MIR2052HG: variants seen among roughly 807,000 people sequenced by gnomAD.
MIR2052HG encodes MIR2052 host gene.
chr8:74,672,791 C>A (rs927089472), intron 2 of MIR2052HG, among the ~76,000 whole-genome samples: 1 of 152,060 alleles, frequency 6.6e-6, no homozygotes, highest in African/African-American at 2.4e-5. Flanking sequence ...CTGCTGAATT[C>A]TGCTGATATT....
At chr8:74,673,227 G>T (rs754501526) in intron 2 of MIR2052HG, among the ~76,000 whole-genome samples, 2 of 151,992 alleles carry the variant, frequency 1.3e-5, no homozygotes, top group Non-Finnish European at 2.9e-5. Context: ...TGAAAATAGG[G>T]TCACAATAAT....
intron 4 of MIR2052HG, among the ~76,000 whole-genome samples, chr8:74,727,993 C>A (rs149957419): frequency 6.6e-6 from 1 of 150,842 alleles, no homozygotes; most frequent in Non-Finnish European, 1.5e-5. Flanking sequence ...GGCTTGGCTG[C>A]TTCTTCTATA....
intron 2 of MIR2052HG, among the ~76,000 whole-genome samples, chr8:74,693,788 C>T (rs757096409): frequency 6.6e-6 from 1 of 151,958 alleles, no homozygotes; most frequent in Non-Finnish European, 1.5e-5. Flanking sequence ...TACCTCCATC[C>T]CCTACAGCAG....
intron 1 of MIR2052HG, among the ~76,000 whole-genome samples, chr8:74,608,740 T>C (rs770916015): frequency 6.6e-6 from 1 of 152,020 alleles, no homozygotes; most frequent in Non-Finnish European, 1.5e-5. Context: ...GTAGAAAATA[T>C]TACGAACTGA....
At chr8:74,649,068 A>C (rs1052803909) in intron 2 of MIR2052HG, among the ~76,000 whole-genome samples, 2 of 150,830 alleles carry the variant, frequency 1.3e-5, no homozygotes, top group Admixed American at 1.3e-4. Flanking sequence ...GACAGAGGCA[A>C]AAAAAAAAAT....
intron 1 of MIR2052HG, among the ~76,000 whole-genome samples, chr8:74,604,828 A>C (rs188873260): frequency 6.6e-6 from 1 of 151,924 alleles, no homozygotes; most frequent in African/African-American, 2.4e-5. Flanking sequence ...TCCTGACCTC[A>C]AGTGATCCTT....
chr8:74,743,243 A>G (rs1314033050), intron 4 of MIR2052HG, among the ~76,000 whole-genome samples: 1 of 152,130 alleles, frequency 6.6e-6, no homozygotes, highest in Non-Finnish European at 1.5e-5. Flanking sequence ...AAGACAGGAA[A>G]ATCCCCAGGT....
chr8:74,699,304 C>G (rs1039355269), intron 2 of MIR2052HG, among the ~76,000 whole-genome samples: 3 of 151,976 alleles, frequency 2.0e-5, no homozygotes, highest in Admixed American at 2.0e-4. Flanking sequence ...AAGATACTTG[C>G]ACACGCATGT....
intron 2 of MIR2052HG, among the ~76,000 whole-genome samples, chr8:74,647,489 TGTAA>T (rs1370273767): frequency 2.0e-5 from 3 of 152,232 alleles, no homozygotes; most frequent in Non-Finnish European, 4.4e-5. Context: ...AAAACCAAGC[TGTAA>T]GTTTCTGGAA....
At chr8:74,707,316 T>A (rs1024275316) in intron 4 of MIR2052HG, among the ~76,000 whole-genome samples, 2 of 152,104 alleles carry the variant, frequency 1.3e-5, no homozygotes, top group African/African-American at 4.8e-5. Context: ...TTCTTCAGAA[T>A]ACACCCATGC....
At chr8:74,622,920 C>G (rs1808383701) in intron 2 of MIR2052HG, among the ~76,000 whole-genome samples, 1 of 151,896 alleles carries the variant, frequency 6.6e-6, no homozygotes, top group Admixed American at 6.6e-5. Context: ...AAGCCAGGCA[C>G]AGAAAGATAA....
chr8:74,720,270 C>T (rs1210005632), intron 4 of MIR2052HG, among the ~76,000 whole-genome samples: 1 of 152,182 alleles, frequency 6.6e-6, no homozygotes, highest in South Asian at 2.1e-4. Flanking sequence ...ATTTCTGATT[C>T]AGGCCCCAAC....
At chr8:74,738,082 C>CTATG (rs530925842) in intron 4 of MIR2052HG, among the ~76,000 whole-genome samples, 22 of 151,346 alleles carry the variant, frequency 1.5e-4, no homozygotes, top group Non-Finnish European at 2.4e-4. Flanking sequence ...TATGTATGAT[C>CTATG]TATGTATGTA....
At chr8:74,754,175 A>G (rs573958948) in intron 5 of MIR2052HG, among the ~76,000 whole-genome samples, 58 of 152,366 alleles carry the variant, frequency 3.8e-4, no homozygotes, top group African/African-American at 1.3e-3. Flanking sequence ...AAATAAAACA[A>G]TACTTGTAAA....
intron 4 of MIR2052HG, among the ~76,000 whole-genome samples, chr8:74,740,328 G>A (rs1809813092): frequency 1.3e-5 from 2 of 152,130 alleles, no homozygotes; most frequent in Admixed American, 6.5e-5. Context: ...GCCAGGTGTG[G>A]TGGCATGCTC....
chr8:74,614,619 T>C (rs1036191151), intron 2 of MIR2052HG, among the ~76,000 whole-genome samples: 3 of 152,128 alleles, frequency 2.0e-5, no homozygotes, highest in Admixed American at 1.3e-4. Context: ...CCCCTTATAA[T>C]ATTTTCCTTT....
chr8:74,602,815 G>GTCTTTCTTTCTTTCCTTCTTTCTT (rs1338395340), intron 1 of MIR2052HG, among the ~76,000 whole-genome samples: 2 of 22,526 alleles, frequency 8.9e-5, no homozygotes, highest in Admixed American at 3.3e-4. Flanking sequence ...ATGCCCGGCC[G>GTCTTTCTTTCTTTCCTTCTTTCTT]TGTTTCTTTC....
At chr8:74,691,533 G>T (rs1170120829) in intron 2 of MIR2052HG, among the ~76,000 whole-genome samples, 1 of 152,056 alleles carries the variant, frequency 6.6e-6, no homozygotes, top group Non-Finnish European at 1.5e-5. Flanking sequence ...CTGCAACTAG[G>T]GGCAATTCCC....
At chr8:74,693,610 CG>C (rs373243628) in intron 2 of MIR2052HG, among the ~76,000 whole-genome samples, 72 of 8,680 alleles carry the variant, frequency 8.3e-3, no homozygotes, top group Non-Finnish European at 0.03. Flanking sequence ...ATTGCGGGGG[CG>C]GGGGGGGAGG....
Sources: gnomAD v4.1 joint callset for allele counts (sites outside exome capture counted in the v4.1 genomes callset) on GRCh38, gnomAD v4.1.1 for gene constraint, MANE v1.5 for transcripts, NCBI Gene and HGNC (gene_info 2026-07-23, HGNC 2026-07-21) for gene names.